The following EPHB1 variants were observed in gnomAD, a reference collection of about 807,000 sequenced individuals.
EPHB1 encodes EPH receptor B1, also known as ephrin type-B receptor 1.
Under a neutral mutation model 94.4 loss-of-function variants are expected in EPHB1, and 30 were observed. The ratio of observed to expected loss-of-function variants is 0.32; its 90% confidence interval spans 0.24 to 0.43. The LOEUF is 0.43. Ranked by LOEUF, EPHB1 falls within the 20% of genes least tolerant of loss-of-function variation. EPHB1 has a pLI of 1.00. For synonymous variants in EPHB1, 522 were observed against 489.1 expected (o/e 1.07, Z -0.89); for missense variants, 1,055 against 1,308.3 (o/e 0.81, Z 2.99).
chr3:135,200,160 G>A (rs1373372435), intron 11 of EPHB1, among the ~76,000 whole-genome samples: 2 of 152,226 alleles, frequency 1.3e-5, no homozygotes, highest in East Asian at 3.8e-4. Flanking sequence ...GGCTAGATTA[G>A]ATGGGAAAAT....
intron 7 of EPHB1, among the ~76,000 whole-genome samples, chr3:135,165,490 C>T (rs1479256424): frequency 6.6e-6 from 1 of 152,218 alleles, no homozygotes; most frequent in Non-Finnish European, 1.5e-5. Context: ...CTTTGTCCTC[C>T]ACAGTGCCTG....
chr3:135,044,557 G>C (rs1248735973), intron 3 of EPHB1, among the ~76,000 whole-genome samples: 1 of 152,130 alleles, frequency 6.6e-6, no homozygotes, highest in Non-Finnish European at 1.5e-5. Flanking sequence ...GTTTAATACG[G>C]AGCCCACTGC....
At chr3:134,850,721 G>A (rs2036963092) in intron 1 of EPHB1, among the ~76,000 whole-genome samples, 1 of 152,218 alleles carries the variant, frequency 6.6e-6, no homozygotes, top group African/African-American at 2.4e-5. Context: ...AGGAGGAGCG[G>A]CTGGCATTGC....
chr3:134,826,684 A>C (rs916705841), intron 1 of EPHB1, among the ~76,000 whole-genome samples: 1 of 152,018 alleles, frequency 6.6e-6, no homozygotes, highest in African/African-American at 2.4e-5. Context: ...AAAATTAATC[A>C]CCCCCTTGTA....
At chr3:135,006,213 C>T (rs780858643) in intron 3 of EPHB1, among the ~76,000 whole-genome samples, 8 of 152,208 alleles carry the variant, frequency 5.3e-5, no homozygotes, top group Non-Finnish European at 2.9e-5. Flanking sequence ...AATACAAGTA[C>T]TAAGTGAAAG....
chr3:135,121,526 G>A (rs373646933), intron 4 of EPHB1, among the ~76,000 whole-genome samples: 20 of 152,192 alleles, frequency 1.3e-4, no homozygotes, highest in African/African-American at 3.9e-4. Context: ...GACTCTAACC[G>A]GCTTGCTTGG....
At chr3:134,901,474 G>C (rs1185633158) in intron 1 of EPHB1, among the ~76,000 whole-genome samples, 2 of 152,190 alleles carry the variant, frequency 1.3e-5, no homozygotes, top group African/African-American at 4.8e-5. Flanking sequence ...CTGGTTCCTT[G>C]GTTCCCTGGA....
intron 3 of EPHB1, among the ~76,000 whole-genome samples, chr3:134,986,711 A>AAC (rs60628273): frequency 0.2 from 29,137 of 145,580 alleles, 3,308 homozygotes; most frequent in African/African-American, 0.31. Context: ...TAAAGATATT[A>AAC]ACACACACAC....
chr3:135,108,859 C>T (rs116659272), intron 4 of EPHB1, among the ~76,000 whole-genome samples: 5,789 of 152,228 alleles, frequency 0.038, 172 homozygotes, highest in Non-Finnish European at 0.056. Flanking sequence ...AGGCAGGTGA[C>T]AAGTGACTCC....
At chr3:134,959,866 A>T (rs1933436995) in intron 3 of EPHB1, among the ~76,000 whole-genome samples, 2 of 150,738 alleles carry the variant, frequency 1.3e-5, no homozygotes, top group Non-Finnish European at 2.9e-5. Context: ...ATCCCAGCTC[A>T]GTCAGGGCTG....
intron 3 of EPHB1, among the ~76,000 whole-genome samples, chr3:134,993,777 C>T (rs928303971): frequency 1.3e-5 from 2 of 152,352 alleles, no homozygotes; most frequent in Non-Finnish European, 2.9e-5. Context: ...GCATGGCAAT[C>T]AGGACTTCGT....
intron 12 of EPHB1, among the ~76,000 whole-genome samples, chr3:135,215,716 G>T (rs1248122445): frequency 1.3e-5 from 2 of 152,286 alleles, no homozygotes; most frequent in East Asian, 3.9e-4. Context: ...ATGCTTCCCT[G>T]GGGACCAGAG....
chr3:135,018,930 T>G (rs575525225), intron 3 of EPHB1, among the ~76,000 whole-genome samples: 90 of 152,292 alleles, frequency 5.9e-4, no homozygotes, highest in African/African-American at 2.2e-3. Context: ...TGATAGGGAC[T>G]GAGAGATAGG....
intron 6 of EPHB1, among the ~76,000 whole-genome samples, chr3:135,157,785 A>G (rs184103271): frequency 6.6e-6 from 1 of 152,374 alleles, no homozygotes; most frequent in East Asian, 1.9e-4. Context: ...AACAATGATG[A>G]TAATTCATCG....
chr3:135,083,242 G>C (rs1938224532), intron 3 of EPHB1, among the ~76,000 whole-genome samples: 1 of 152,114 alleles, frequency 6.6e-6, no homozygotes, highest in Non-Finnish European at 1.5e-5. Context: ...CAGGGTTTTA[G>C]ACAGGAAAGG....
intron 1 of EPHB1, among the ~76,000 whole-genome samples, chr3:134,907,947 C>A (rs2038370640): frequency 6.6e-6 from 1 of 152,230 alleles, no homozygotes; most frequent in African/African-American, 2.4e-5. Flanking sequence ...AATCCAGAGT[C>A]CTCCTGGTGC....
At chr3:135,054,040 T>TATATATATACACACAC (rs377064799) in intron 3 of EPHB1, among the ~76,000 whole-genome samples, 6 of 139,812 alleles carry the variant, frequency 4.3e-5, no homozygotes, top group African/African-American at 1.4e-4. Flanking sequence ...TATATATATA[T>TATATATATACACACAC]ACACACACAC....
intron 4 of EPHB1, among the ~76,000 whole-genome samples, chr3:135,123,593 G>A (rs1465339198): frequency 2.0e-5 from 3 of 152,096 alleles, no homozygotes; most frequent in Non-Finnish European, 4.4e-5. Flanking sequence ...ACCATGCCCA[G>A]CACCAGTGCT....
chr3:135,074,028 G>A (rs1460762499), intron 3 of EPHB1, among the ~76,000 whole-genome samples: 1 of 152,192 alleles, frequency 6.6e-6, no homozygotes, highest in Admixed American at 6.5e-5. Context: ...TGATGTTAGG[G>A]ATGTTGATTC....
Sources: gnomAD v4.1 joint callset for allele counts (sites outside exome capture counted in the v4.1 genomes callset) on GRCh38, gnomAD v4.1.1 for gene constraint, MANE v1.5 for transcripts, NCBI Gene and HGNC (gene_info 2026-07-23, HGNC 2026-07-21) for gene names.